The following PLCE1 variants were observed in gnomAD, a reference collection of about 807,000 sequenced individuals.
PLCE1 encodes phospholipase C epsilon 1.
PLCE1 carries 119 observed loss-of-function variants against 242.8 expected under a neutral mutation model. The observed-to-expected ratio is 0.49, with a 90% confidence interval of 0.42 to 0.57. The LOEUF (loss-of-function observed/expected upper bound fraction) is 0.57. Ranked by LOEUF, PLCE1 falls within the 20% of genes least tolerant of loss-of-function variation. PLCE1 has a pLI of 0.00. For synonymous variants in PLCE1, 945 were observed against 1,017.4 expected, an observed-to-expected ratio of 0.93 and a Z score of 1.35; for missense variants, 2,441 against 2,788.8, an observed-to-expected ratio of 0.88 and a Z score of 2.81.
chr10:94,324,469 T>C lies in PLCE1; in HGVS notation c.6622T>C (p.Ser2208Pro). ...TNKKTTTPKS[S>P]QRVLLDQECV... ...CAAGAAGACTACCACACCAAAGTCC[T>C]CTCAGCGGGTCCTTCTGGATCAGGA... The change falls in exon 31 of 33, where the codon TCT (serine) becomes CCT (proline). Residue 2208 changes from serine (S) to proline (P), a missense_variant. By Grantham distance (74) the Ser-to-Pro change is moderately conservative. Coordinates refer to ENST00000371380, the MANE Select transcript of PLCE1 (RefSeq NM_016341.4). 1.2e-6 allele frequency: 2 copies of C among 1,614,030 alleles called. No individual in the cohort carries two copies. The highest frequency in any genetic ancestry group is 4.5e-5 in the East Asian group (2 of 44,894).
At chr10:94,022,713 T>C (rs529602248) in intron 1 of PLCE1, among the ~76,000 whole-genome samples, 1 of 152,106 alleles carries the variant, frequency 6.6e-6, no homozygotes, top group South Asian at 2.1e-4. Context: ...GATGGAACTC[T>C]GTTCCTTCTC....
chr10:94,283,581 GTAAA>G, intron 20 of PLCE1: 1 of 453,646 alleles, frequency 2.2e-6, no homozygotes, highest in Non-Finnish European at 4.2e-6. Context: ...AAAACTACTG[GTAAA>G]TAAATCAATT....
intron 22 of PLCE1, among the ~76,000 whole-genome samples, chr10:94,288,054 G>A (rs1019806006): frequency 6.6e-6 from 1 of 152,122 alleles, no homozygotes; most frequent in Non-Finnish European, 1.5e-5. Flanking sequence ...TCCACAGTTA[G>A]GAGTGCAACC....
chr10:94,268,645 A>G (rs931928842), intron 16 of PLCE1, among the ~76,000 whole-genome samples: 10 of 152,218 alleles, frequency 6.6e-5, no homozygotes, highest in African/African-American at 1.9e-4. Context: ...CAAGGGGCCA[A>G]AGTTGCTAGG....
chr10:94,101,804 C>T (rs762249115), intron 2 of PLCE1, among the ~76,000 whole-genome samples: 2 of 152,204 alleles, frequency 1.3e-5, no homozygotes, highest in African/African-American at 2.4e-5. Context: ...CTGAAGGGGT[C>T]TGGCCCGGAA....
chr10:94,008,685 T>A (rs747970370), intron 1 of PLCE1, among the ~76,000 whole-genome samples: 26 of 152,324 alleles, frequency 1.7e-4, no homozygotes, highest in South Asian at 4.1e-4. Context: ...CTGTCCATCC[T>A]ACAGGAATTT....
intron 8 of PLCE1, among the ~76,000 whole-genome samples, chr10:94,247,942 G>A (rs111532437): frequency 6.6e-6 from 1 of 152,198 alleles, no homozygotes; most frequent in Admixed American, 6.5e-5. Context: ...AATGAGTTGT[G>A]TCAAAGTATT....
At chr10:94,231,944 C>T (rs542253659) in intron 5 of PLCE1, among the ~76,000 whole-genome samples, 3 of 152,296 alleles carry the variant, frequency 2.0e-5, no homozygotes, top group East Asian at 3.9e-4. Context: ...TACTGGTCTG[C>T]GGCCCAGGGG....
chr10:94,304,736 T>C (rs1340944308), intron 25 of PLCE1, 91 bp downstream of exon 25: 1 of 1,268,994 alleles, frequency 7.9e-7, no homozygotes, highest in Non-Finnish European at 1.1e-6. Context: ...TGGAAAGCTG[T>C]CATGTCACAA....
At chr10:94,294,496 G>A (rs1205319041) in intron 23 of PLCE1, among the ~76,000 whole-genome samples, 8 of 152,024 alleles carry the variant, frequency 5.3e-5, no homozygotes, top group Non-Finnish European at 8.8e-5. Context: ...TTGCAGGTTC[G>A]GTTCCAGACC....
chr10:94,002,343 A>C (rs1387112930), intron 1 of PLCE1, among the ~76,000 whole-genome samples: 1 of 152,168 alleles, frequency 6.6e-6, no homozygotes, highest in Non-Finnish European at 1.5e-5. Flanking sequence ...ATGCCAAGTC[A>C]TGGGATGGCT....
chr10:94,179,771 G>A (rs908044731), intron 4 of PLCE1, among the ~76,000 whole-genome samples: 1 of 151,630 alleles, frequency 6.6e-6, no homozygotes, highest in Non-Finnish European at 1.5e-5. Context: ...CTCCCAATGT[G>A]CTGGGATTTC....
Position 94,171,247 on chromosome 10 carries a change from G to A in PLCE1, c.1560G>A (p.Lys520=), listed in dbSNP as rs199880665. Residue 520 remains lysine, a synonymous_variant, in exon 4 of 33, where the codon AAG becomes AAA. Transcript: ENST00000371380. ...ALPSSSAGIS[K]ELIDLQPLIQ... ...CTTCAAGTTCAGCTGGGATCAGCAA[G>A]GAGCTGATCGATCTGCAGCCTCTCA... The A allele has an allele frequency of 2.9e-5, 46 of 1,613,996 alleles. No homozygotes were observed. In the African/African-American group the frequency reaches 5.3e-4, roughly 19 times the overall value.
At chr10:94,192,333 G>T (rs527941656) in intron 4 of PLCE1, among the ~76,000 whole-genome samples, 2 of 152,242 alleles carry the variant, frequency 1.3e-5, no homozygotes, top group Non-Finnish European at 2.9e-5. Flanking sequence ...TTCAGCCTTT[G>T]CCCACCTCCC....
chr10:94,218,066 T>C (rs1386552783), intron 4 of PLCE1, among the ~76,000 whole-genome samples: 4 of 152,202 alleles, frequency 2.6e-5, no homozygotes, highest in Non-Finnish European at 1.5e-5. Flanking sequence ...AATTTCATAA[T>C]GATGCATCTT....
intron 2 of PLCE1, among the ~76,000 whole-genome samples, chr10:94,127,155 CATT>C (rs1590079510): frequency 6.6e-6 from 1 of 152,226 alleles, no homozygotes; most frequent in African/African-American, 2.4e-5. Flanking sequence ...AACACATCAT[CATT>C]GTGTTAGTTA....
At chr10:94,183,314 C>G (rs1259314623) in intron 4 of PLCE1, among the ~76,000 whole-genome samples, 1 of 152,174 alleles carries the variant, frequency 6.6e-6, no homozygotes, top group African/African-American at 2.4e-5. Flanking sequence ...ATTTCAGTAC[C>G]AACTTTTGTA....
rs1014993293 is a variant in PLCE1, at chr10:94,186,346, G to A, written c.1809+14850G>A. Among the ~76,000 whole-genome samples, 4 of 152,172 alleles carry A rather than the reference G, an allele frequency of 2.6e-5. No homozygotes were observed. In the East Asian group the frequency reaches 5.8e-4, roughly 22 times the overall value. ...CTGCTAGACTTTTATCATATAAACA[G>A]CCATCAAGCTCATCATTTCTCTGCA... On this transcript the variant is annotated intron_variant, in intron 4 of 32. Coordinates refer to ENST00000371380, the MANE Select transcript of PLCE1 (RefSeq NM_016341.4).
intron 3 of PLCE1, among the ~76,000 whole-genome samples, chr10:94,153,611 T>A (rs2047340554): frequency 6.6e-6 from 1 of 152,160 alleles, no homozygotes; most frequent in Non-Finnish European, 1.5e-5. Flanking sequence ...ATTTCTATTA[T>A]CAGATGATCT....
Sources: gnomAD v4.1 joint callset for allele counts (sites outside exome capture counted in the v4.1 genomes callset) on GRCh38, gnomAD v4.1.1 for gene constraint, MANE v1.5 for transcripts, NCBI Gene and HGNC (gene_info 2026-07-23, HGNC 2026-07-21) for gene names.